Variants in COL8A1 observed in about 807,000 individuals in gnomAD.
COL8A1 encodes the protein collagen type VIII alpha 1 chain, also known as collagen alpha-1(VIII) chain.
COL8A1 carries 21 observed loss-of-function variants against 42.7 expected under a neutral mutation model. That is an observed-to-expected ratio of 0.49 (90% confidence interval 0.35 to 0.71). The LOEUF is 0.71. COL8A1 is among the 30% of genes least tolerant of loss of function. COL8A1 has a pLI of 0.01. For synonymous variants in COL8A1, 367 were observed against 369.1 expected, an observed-to-expected ratio of 0.99 and a Z score of 0.06; for missense variants, 788 against 962.4, an observed-to-expected ratio of 0.82 and a Z score of 2.40.
At chr3:99,764,129 C>T (rs1269997039) in intron 2 of COL8A1, among the ~76,000 whole-genome samples, 5 of 152,198 alleles carry the variant, frequency 3.3e-5, no homozygotes, top group East Asian at 3.8e-4. Context: ...AACCATATCA[C>T]GCCCAAATTC....
At chr3:99,759,101 T>C (rs1313031915) in intron 2 of COL8A1, among the ~76,000 whole-genome samples, 1 of 108,452 alleles carries the variant, frequency 9.2e-6, no homozygotes, top group Non-Finnish European at 1.9e-5. Context: ...CACAAGAGCC[T>C]GTTCCTTTTT....
chr3:99,726,730 G>A (rs12489771), intron 1 of COL8A1, among the ~76,000 whole-genome samples: 31,758 of 150,232 alleles, frequency 0.21, 3,669 homozygotes, highest in African/African-American at 0.33. Context: ...GTAGATATGC[G>A]GCGTTATTTC....
intron 1 of COL8A1, among the ~76,000 whole-genome samples, chr3:99,707,691 A>G (rs932343710): frequency 1.3e-5 from 2 of 152,230 alleles, no homozygotes; most frequent in Non-Finnish European, 2.9e-5. Flanking sequence ...ACAAAACTGC[A>G]GAAAGTGCCA....
chr3:99,697,765 A>G (rs997388821), intron 1 of COL8A1, among the ~76,000 whole-genome samples: 2 of 152,226 alleles, frequency 1.3e-5, no homozygotes, highest in Non-Finnish European at 2.9e-5. Context: ...ACATTCGAGC[A>G]TTTCTTCTTC....
Position 99,783,261 on chromosome 3 carries a change from G to C in COL8A1, c.-3-7419G>C, listed in dbSNP as rs370249699. The stretch of plus-strand genomic sequence containing the variant: ...TCATTTCAGAGGCATTATGTGTGTG[G>C]TTCATTTCTAGCGCTGGGGGCACAA... On this transcript the variant is annotated intron_variant, in intron 2 of 3. Transcript: ENST00000652472. 3.3e-5 allele frequency among the ~76,000 whole-genome samples: 5 copies of C among 152,184 alleles called. No individual in the cohort carries two copies. The East Asian group carries it at 7.7e-4, about 23-fold the overall frequency.
intron 2 of COL8A1, among the ~76,000 whole-genome samples, chr3:99,754,876 A>G (rs792831): frequency 0.51 from 77,863 of 152,078 alleles, 20,170 homozygotes; most frequent in East Asian, 0.67. Flanking sequence ...GTACTACAGT[A>G]CTAGGTTTCT....
intron 1 of COL8A1, among the ~76,000 whole-genome samples, chr3:99,658,343 GT>G (rs895544907): frequency 7.2e-5 from 11 of 151,984 alleles, no homozygotes; most frequent in Non-Finnish European, 1.6e-4. Context: ...ACAATGTTTT[GT>G]TCTCTCCGCC....
intron 2 of COL8A1, among the ~76,000 whole-genome samples, chr3:99,768,002 C>T (rs910389404): frequency 1.7e-4 from 26 of 152,090 alleles, no homozygotes; most frequent in African/African-American, 6.3e-4. Flanking sequence ...AGCTTGTCTG[C>T]ATAAAAGTAA....
chr3:99,686,849 T>C (rs755983001), intron 1 of COL8A1, among the ~76,000 whole-genome samples: 2 of 151,914 alleles, frequency 1.3e-5, no homozygotes, highest in Non-Finnish European at 2.9e-5. Flanking sequence ...CTAATTTTTG[T>C]TTGTTTGTTT....
chr3:99,764,957 C>T (rs1249044126), intron 2 of COL8A1, among the ~76,000 whole-genome samples: 3 of 151,984 alleles, frequency 2.0e-5, no homozygotes, highest in Non-Finnish European at 4.4e-5. Context: ...TGGTACCATT[C>T]AACACATAAA....
chr3:99,692,558 T>C (rs1939251221), intron 1 of COL8A1, among the ~76,000 whole-genome samples: 1 of 152,190 alleles, frequency 6.6e-6, no homozygotes, highest in Non-Finnish European at 1.5e-5. Flanking sequence ...AACAAAACCA[T>C]TTGAATGAAC....
chr3:99,709,362 T>C (rs577607828), intron 1 of COL8A1, among the ~76,000 whole-genome samples: 19 of 152,298 alleles, frequency 1.2e-4, no homozygotes, highest in African/African-American at 3.8e-4. Flanking sequence ...CCATAGTCCC[T>C]GTCTAACCCT....
chr3:99,783,911 G>A (rs999990903), intron 2 of COL8A1, among the ~76,000 whole-genome samples: 1 of 152,130 alleles, frequency 6.6e-6, no homozygotes, highest in Admixed American at 6.5e-5. Flanking sequence ...TTTCGGTGGG[G>A]CCACAGAGCC....
At chr3:99,772,407 C>T (rs1281510192) in intron 2 of COL8A1, among the ~76,000 whole-genome samples, 1 of 152,102 alleles carries the variant, frequency 6.6e-6, no homozygotes, top group East Asian at 1.9e-4. Flanking sequence ...TGTCAAAACT[C>T]ATAGAATGTA....
rs934585442 is a variant in COL8A1, at chr3:99,675,671, G to A, written c.-129+37007G>A. ...TCCTCTTCATCCAGGGAGCTCACAC[G>A]TTCACCAACTCACCCTTGAAGTCAT... is the stretch of plus-strand genomic sequence containing the variant. On this transcript the variant is annotated intron_variant, in intron 1 of 3. Coordinates refer to ENST00000652472, the MANE Select transcript of COL8A1 (RefSeq NM_020351.4). 1.5e-4 allele frequency: 23 copies of A among 152,476 alleles called. 1 individual carries two copies. Among genetic ancestry groups the A allele is most frequent in the African/African-American group, 5.3e-4 (22 of 41,498 alleles). The allele number at this position is 152,476 out of a possible 1,614,324, so 9.4% of individuals were successfully genotyped here. A position where few individuals can be genotyped will look rare whatever the true frequency, so the allele number is the denominator to read the frequency against.
At chr3:99,735,954 A>C (rs539483212) in intron 1 of COL8A1, among the ~76,000 whole-genome samples, 9 of 152,086 alleles carry the variant, frequency 5.9e-5, no homozygotes, top group African/African-American at 2.2e-4. Flanking sequence ...TGTTTGTAGT[A>C]TTCTCTGATG....
intron 2 of COL8A1, among the ~76,000 whole-genome samples, chr3:99,774,136 C>T (rs533450754): frequency 4.0e-5 from 6 of 151,366 alleles, no homozygotes; most frequent in East Asian, 3.9e-4. Flanking sequence ...TGAGCCACCA[C>T]GCCCAACCCG....
intron 1 of COL8A1, among the ~76,000 whole-genome samples, chr3:99,697,916 A>G (rs1405927577): frequency 1.3e-5 from 2 of 152,170 alleles, no homozygotes; most frequent in Non-Finnish European, 2.9e-5. Flanking sequence ...TGCTGCACCC[A>G]TCAACTCGTC....
intron 1 of COL8A1, chr3:99,703,598 CAT>C (rs1939602301): frequency 6.6e-6 from 1 of 152,194 alleles, no homozygotes. Flanking sequence ...GACTGTGTCA[CAT>C]TGTTCAAAAG....
Sources: allele counts gnomAD v4.1 joint callset (sites outside exome capture counted in the v4.1 genomes callset), GRCh38; gene constraint gnomAD v4.1.1; transcripts MANE v1.5; gene names NCBI Gene and HGNC (gene_info 2026-07-23, HGNC 2026-07-21).